HDAC9: variants seen among roughly 807,000 people sequenced by gnomAD.
HDAC9 encodes the protein histone deacetylase 9, also known as MEF-2 interacting transcription repressor (MITR) protein.
HDAC9 carries 41 observed loss-of-function variants against 139.4 expected under a neutral mutation model. The ratio of observed to expected loss-of-function variants is 0.29; its 90% CI spans 0.23 to 0.38. HDAC9 has a LOEUF of 0.38. Ranked by LOEUF, HDAC9 falls within the 10% of genes least tolerant of loss-of-function variation. The pLI is 1.00. For missense variants in HDAC9, 1,147 were observed against 1,297.0 expected, an observed-to-expected ratio of 0.88 and a Z score of 1.78; for synonymous variants, 517 against 476.2, an observed-to-expected ratio of 1.09 and a Z score of -1.12.
chr7:18,130,192 G>A (rs1784914861), intron 1 of HDAC9, among the ~76,000 whole-genome samples: 1 of 152,084 alleles, frequency 6.6e-6, no homozygotes, highest in Non-Finnish European at 1.5e-5. Context: ...GCTCCAACGA[G>A]CATCTCCTTT....
At chr7:18,188,484 C>G (rs1469797277) in intron 2 of HDAC9, among the ~76,000 whole-genome samples, 2 of 152,080 alleles carry the variant, frequency 1.3e-5, no homozygotes, top group African/African-American at 4.8e-5. Flanking sequence ...GCAACAAAAG[C>G]CAAAATTGAC....
chr7:18,925,084 G>C (rs1166214704), intron 22 of HDAC9, among the ~76,000 whole-genome samples: 1 of 152,156 alleles, frequency 6.6e-6, no homozygotes, highest in Non-Finnish European at 1.5e-5. Flanking sequence ...TTTAACTACT[G>C]TAAGTTGTAG....
intron 1 of HDAC9, among the ~76,000 whole-genome samples, chr7:18,361,055 TC>T: frequency 6.6e-6 from 1 of 152,310 alleles, no homozygotes; most frequent in Non-Finnish European, 1.5e-5. Context: ...ATGGTGTTTC[TC>T]CTCTTCTGAG....
chr7:18,827,476 G>T, intron 17 of HDAC9, among the ~76,000 whole-genome samples: 1 of 152,018 alleles, frequency 6.6e-6, no homozygotes, highest in Non-Finnish European at 1.5e-5. Flanking sequence ...CAGCATATGA[G>T]CATTTAGCGT....
intron 16 of HDAC9, among the ~76,000 whole-genome samples, chr7:18,780,246 G>C: frequency 6.6e-6 from 1 of 152,010 alleles, no homozygotes; most frequent in East Asian, 1.9e-4. Context: ...GTGATTTATT[G>C]TCTTCTCTGG....
intron 2 of HDAC9, among the ~76,000 whole-genome samples, chr7:18,182,091 G>A (rs1207547073): frequency 6.6e-6 from 1 of 152,124 alleles, no homozygotes; most frequent in South Asian, 2.1e-4. Flanking sequence ...ATGGCTGGCA[G>A]CAGGGCCCAG....
chr7:18,680,609 G>A (rs1369493739), intron 12 of HDAC9, among the ~76,000 whole-genome samples: 1 of 151,940 alleles, frequency 6.6e-6, no homozygotes, highest in Non-Finnish European at 1.5e-5. Context: ...CTTGGATGGT[G>A]GGTTGATACT....
At chr7:18,330,364 C>T (rs73307406) in intron 1 of HDAC9, among the ~76,000 whole-genome samples, 3,157 of 151,440 alleles carry the variant, frequency 0.021, 110 homozygotes, top group African/African-American at 0.072. Context: ...TTATATTTTT[C>T]TCCTAAAACT....
chr7:18,184,025 G>A (rs1373617616), intron 2 of HDAC9, among the ~76,000 whole-genome samples: 1 of 152,118 alleles, frequency 6.6e-6, no homozygotes, highest in Non-Finnish European at 1.5e-5. Context: ...TGCATGTTGA[G>A]TATTCCTCAT....
rs971998048 is a variant in HDAC9, at chr7:18,872,017, A to G, written c.2685-2461A>G. On this transcript the variant is annotated intron_variant, in intron 21 of 25. Transcript: ENST00000686413. ...ATGAACCTTACCAATGTCACCCTCC[A>G]TAACCATCTGTTGCTATGTAGTTCT... 1.4e-4 allele frequency among the ~76,000 whole-genome samples: 22 copies of G among 152,182 alleles called. 1 individual carries two copies. The highest frequency in any genetic ancestry group is 4.8e-4 in the African/African-American group (20 of 41,454).
At chr7:18,295,451 A>G (rs1372442614) in intron 1 of HDAC9, among the ~76,000 whole-genome samples, 2 of 152,204 alleles carry the variant, frequency 1.3e-5, no homozygotes, top group Non-Finnish European at 2.9e-5. Context: ...GCATTTTAAC[A>G]TACTGACTAA....
At chr7:18,980,113 C>T (rs1293230386) in intron 25 of HDAC9, among the ~76,000 whole-genome samples, 1 of 152,138 alleles carries the variant, frequency 6.6e-6, no homozygotes, top group Non-Finnish European at 1.5e-5. Context: ...TATCTTTCCT[C>T]CTCTTCCCAG....
chr7:18,378,286 C>G (rs1227559788), intron 1 of HDAC9, among the ~76,000 whole-genome samples: 1 of 152,022 alleles, frequency 6.6e-6, no homozygotes, highest in African/African-American at 2.4e-5. Flanking sequence ...CAAACAAATA[C>G]CACAGTTAAA....
chr7:18,252,142 T>C (rs1794955513), intron 2 of HDAC9, among the ~76,000 whole-genome samples: 2 of 152,190 alleles, frequency 1.3e-5, no homozygotes, highest in African/African-American at 4.8e-5. Flanking sequence ...GAAGTTAGCA[T>C]TCAGTAGAGA....
chr7:18,931,720 C>T (rs1407272732), intron 22 of HDAC9, among the ~76,000 whole-genome samples: 1 of 152,102 alleles, frequency 6.6e-6, no homozygotes. Flanking sequence ...TTCAGGCTCT[C>T]ATTATCTGAT....
rs1829139730 is a variant in HDAC9, at chr7:18,585,318, C to T, written c.60C>T (p.Pro20=). The change falls in exon 3 of 26, where the codon CCC becomes CCT. Residue 20 remains proline, a synonymous_variant. Transcript: ENST00000686413. ...CAGAAGTTCCTGTGGGCCTGGAGCC[C>T]ATCTCACCTTTAGACCTAAGGACAG... ...VKSEVPVGLE[P]ISPLDLRTDL... 1 of 1,613,788 alleles carries T rather than the reference C, an allele frequency of 6.2e-7. No individual in the cohort carries two copies. Among genetic ancestry groups the T allele is most frequent in the Non-Finnish European group, 8.5e-7 (1 of 1,179,850 alleles).
At chr7:18,756,660 G>T (rs1358593582) in intron 14 of HDAC9, among the ~76,000 whole-genome samples, 2 of 152,296 alleles carry the variant, frequency 1.3e-5, no homozygotes, top group East Asian at 3.9e-4. Flanking sequence ...ACATAATTTA[G>T]TCAAACATCT....
At chr7:18,452,196 G>A (rs1021393515) in intron 1 of HDAC9, among the ~76,000 whole-genome samples, 1 of 152,124 alleles carries the variant, frequency 6.6e-6, no homozygotes, top group African/African-American at 2.4e-5. Context: ...CTGAACTGTG[G>A]TAGCCACACA....
At chr7:18,318,031 C>G (rs147948543) in intron 1 of HDAC9, among the ~76,000 whole-genome samples, 1 of 152,188 alleles carries the variant, frequency 6.6e-6, no homozygotes, top group African/African-American at 2.4e-5. Flanking sequence ...TCTGACTAAT[C>G]ATATATTTTT....
Sources: gnomAD v4.1 joint callset for allele counts (sites outside exome capture counted in the v4.1 genomes callset) on GRCh38, gnomAD v4.1.1 for gene constraint, MANE v1.5 for transcripts, NCBI Gene and HGNC (gene_info 2026-07-23, HGNC 2026-07-21) for gene names.